COL5A2: variants seen among roughly 807,000 people sequenced by gnomAD.
COL5A2 encodes collagen alpha-2(V) chain.
In COL5A2, 23 loss-of-function variants were observed where a neutral mutation model predicts 208.2. That is an observed-to-expected ratio of 0.11 (90% CI 0.08 to 0.16). COL5A2 has a LOEUF of 0.16. Ranked by LOEUF, COL5A2 falls within the 10% of genes least tolerant of loss-of-function variation. COL5A2 has a pLI of 1.00. For synonymous variants in COL5A2, 625 were observed against 628.5 expected (o/e 0.99, Z 0.08); for missense variants, 1,590 against 1,956.4 (o/e 0.81, Z 3.53).
chr2:189,290,439 T>G, the COL5A2 span, among the ~76,000 whole-genome samples: 1 of 152,096 alleles, frequency 6.6e-6, no homozygotes. Flanking sequence ...AAAGGAGCAT[T>G]TGCTGAGATG....
In COL5A2 at chr2:189,069,611, T is replaced by C. The variant is rs115953535; in HGVS notation, c.1159-727A>G. 4.3e-3 allele frequency among the ~76,000 whole-genome samples: 648 copies of C among 152,316 alleles called. 3 individuals are homozygous for C. Among genetic ancestry groups the C allele is most frequent in the African/African-American group, 0.015 (609 of 41,574 alleles). On this transcript the variant is annotated intron_variant, in intron 18 of 53. Transcript: ENST00000374866. ...AATCATCAGAGGATAAATCATATTA[T>C]TTTCCAATATTTATAAAACAACCTA...
chr2:189,150,986 T>G (rs557412920), intron 1 of COL5A2, among the ~76,000 whole-genome samples: 102 of 152,248 alleles, frequency 6.7e-4, no homozygotes, highest in African/African-American at 2.4e-3. Context: ...AGAAAGTGTT[T>G]CCATGCATAA....
the COL5A2 span, among the ~76,000 whole-genome samples, chr2:189,372,650 TTTTTAC>T: frequency 6.6e-6 from 1 of 152,098 alleles, no homozygotes; most frequent in African/African-American, 2.4e-5. Context: ...GCAGGAGGAT[TTTTTAC>T]TTTTAATTTT....
upstream of COL5A2, among the ~76,000 whole-genome samples, chr2:189,184,249 A>T (rs1688818810): frequency 6.6e-6 from 1 of 152,136 alleles, no homozygotes; most frequent in South Asian, 2.1e-4. Flanking sequence ...AGGAAGCAAC[A>T]GTGAACTTGA....
chr2:189,255,473 C>A, the COL5A2 span, among the ~76,000 whole-genome samples: 11 of 152,230 alleles, frequency 7.2e-5, no homozygotes, highest in African/African-American at 2.6e-4. Context: ...TTTGCTGAAA[C>A]CTACTAAAAT....
At chr2:189,050,263 T>G (rs542527463) in intron 43 of COL5A2, among the ~76,000 whole-genome samples, 1 of 104,854 alleles carries the variant, frequency 9.5e-6, no homozygotes, top group East Asian at 2.8e-4. Flanking sequence ...CACCAGAAGA[T>G]TATCCCCCTC....
the COL5A2 span, chr2:189,311,288 G>C: frequency 2.2e-6 from 3 of 1,394,196 alleles, no homozygotes; most frequent in Admixed American, 1.7e-5. Flanking sequence ...GGTGTCATTG[G>C]TCTCAGACAC....
intron 4 of COL5A2, among the ~76,000 whole-genome samples, chr2:189,099,052 C>T (rs1686995055): frequency 6.6e-6 from 1 of 152,144 alleles, no homozygotes; most frequent in Non-Finnish European, 1.5e-5. Flanking sequence ...GGACTAATTA[C>T]TTATCCTCTC....
At chr2:189,357,382 T>C in the COL5A2 span, among the ~76,000 whole-genome samples, 2 of 152,196 alleles carry the variant, frequency 1.3e-5, no homozygotes, top group African/African-American at 2.4e-5. Context: ...GGGGGTTTTA[T>C]CTATAAGTTC....
intron 6 of COL5A2, chr2:189,095,041 C>T (rs570184006): frequency 5.3e-5 from 8 of 151,996 alleles, no homozygotes; most frequent in African/African-American, 1.7e-4. Context: ...CGCAAAACTT[C>T]CTACAATGCA....
At chr2:189,080,180 C>T in intron 13 of COL5A2, 149 bp from the exon 14 acceptor site, 1 of 667,952 alleles carries the variant, frequency 1.5e-6, no homozygotes, top group Non-Finnish European at 2.6e-6. Context: ...AATTCTCAAA[C>T]TTTTCTGAAA....
rs1351723313 is a variant in COL5A2, at chr2:189,036,707, G to A, written c.4022C>T (p.Pro1341Leu). ...ETGETCISAN[P>L]SSVPRKTWWA... is the part of the protein sequence containing the mutation. ...CCAGGTTTTACGTGGTACACTGGAT[G>A]GGTTTGCTGAAATACATGTTTCTCC... The change falls in exon 52 of 54, where the codon CCA becomes CTA. Residue 1341 changes from proline to leucine, a missense_variant. Coordinates refer to ENST00000374866, the MANE Select transcript of COL5A2 (RefSeq NM_000393.5). 1.2e-6 allele frequency: 2 copies of A among 1,613,594 alleles called. No homozygotes were observed. Among genetic ancestry groups the A allele is most frequent in the Non-Finnish European group, 1.7e-6 (2 of 1,179,616 alleles).
In COL5A2 at chr2:189,034,031, T is replaced by C. The variant is rs1168163304; in HGVS notation, c.*39A>G. On this transcript the variant is annotated 3_prime_UTR_variant, in exon 54 of 54. Transcript: ENST00000374866. ...AAGTTCTTGTGAATGGCGGTGGTCA[T>C]TGATGGTGGTGCTCATTGTCGATGT... The C allele has an allele frequency of 1.9e-6, 3 of 1,613,368 alleles. No individual in the cohort carries two copies. Among genetic ancestry groups the C allele is most frequent in the Non-Finnish European group, 8.5e-7 (1 of 1,179,692 alleles).
intron 22 of COL5A2, 99 bp downstream of exon 22, chr2:189,066,630 T>C: frequency 2.2e-6 from 3 of 1,338,170 alleles, no homozygotes; most frequent in African/African-American, 2.9e-5. Flanking sequence ...TCTCAAGCTA[T>C]TATAATTCTC....
chr2:189,357,720 G>A, the COL5A2 span, among the ~76,000 whole-genome samples: 1 of 147,886 alleles, frequency 6.8e-6, no homozygotes, highest in African/African-American at 2.5e-5. Flanking sequence ...CCCAGGGAGT[G>A]AACGGTTCTG....
chr2:189,145,592 C>A (rs370706327), intron 1 of COL5A2, among the ~76,000 whole-genome samples: 6 of 151,948 alleles, frequency 3.9e-5, no homozygotes, highest in Non-Finnish European at 7.4e-5. Context: ...ATTATATTGC[C>A]TAGATCATTC....
chr2:189,057,197 GA>G (rs2105574515), intron 34 of COL5A2, 122 bp downstream of exon 34: 1 of 955,014 alleles, frequency 1.0e-6, no homozygotes. Flanking sequence ...TTAGAAGAAT[GA>G]AAAATGAATG....
At chr2:189,257,903 A>T in the COL5A2 span, among the ~76,000 whole-genome samples, 237 of 152,250 alleles carry the variant, frequency 1.6e-3, no homozygotes, top group African/African-American at 5.2e-3. Flanking sequence ...TCACGAGGTC[A>T]GGAGATCGAG....
chr2:189,266,816 C>T, the COL5A2 span, among the ~76,000 whole-genome samples: 1 of 152,064 alleles, frequency 6.6e-6, no homozygotes. Context: ...TGTTAAAATA[C>T]TGCTCAAAAG....
Sources: gnomAD v4.1 joint callset for allele counts (sites outside exome capture counted in the v4.1 genomes callset) on GRCh38, gnomAD v4.1.1 for gene constraint, MANE v1.5 for transcripts, NCBI Gene and HGNC (gene_info 2026-07-23, HGNC 2026-07-21) for gene names.